ATRNL1: variants seen among roughly 807,000 people sequenced by gnomAD.
The protein encoded by ATRNL1 is attractin-like protein 1.
A neutral mutation model predicts 182.7 loss-of-function variants in ATRNL1; 95 were observed. That is an observed-to-expected ratio of 0.52 (90% CI 0.44 to 0.62). The LOEUF (loss-of-function observed/expected upper bound fraction) is 0.62, where lower values mean the gene tolerates loss of function less well. ATRNL1 is among the 20% of genes least tolerant of loss of function. The pLI is 0.00. For missense variants in ATRNL1, 1,471 were observed against 1,679.5 expected, an observed-to-expected ratio of 0.88 and a Z score of 2.17; for synonymous variants, 576 against 568.3, an observed-to-expected ratio of 1.01 and a Z score of -0.19.
chr10:115,174,547 A>C (rs1847421116), intron 8 of ATRNL1, among the ~76,000 whole-genome samples: 1 of 151,890 alleles, frequency 6.6e-6, no homozygotes, highest in South Asian at 2.1e-4. Flanking sequence ...ATAAACAGTA[A>C]GTATATCATT....
chr10:115,770,990 T>C (rs1948974691), intron 27 of ATRNL1, among the ~76,000 whole-genome samples: 1 of 152,148 alleles, frequency 6.6e-6, no homozygotes, highest in Non-Finnish European at 1.5e-5. Context: ...TTTGTTCATC[T>C]TAAAACAAAA....
chr10:115,121,583 C>A, intron 2 of ATRNL1, 116 bp from the exon 3 acceptor site: 1 of 396,962 alleles, frequency 2.5e-6, no homozygotes, highest in Non-Finnish European at 4.4e-6. Context: ...TAATAAAATA[C>A]CCTATCTAAA....
chr10:115,127,407 A>T (rs1470723819), intron 3 of ATRNL1, among the ~76,000 whole-genome samples, 186 bp from the exon 4 acceptor site: 1 of 152,198 alleles, frequency 6.6e-6, no homozygotes, highest in East Asian at 1.9e-4. Context: ...GTGTATTGGC[A>T]GCAGTAGTAG....
intron 13 of ATRNL1, among the ~76,000 whole-genome samples, chr10:115,271,842 T>C (rs1554913216): frequency 6.6e-6 from 1 of 152,188 alleles, no homozygotes; most frequent in African/African-American, 2.4e-5. Flanking sequence ...TTTGGACATT[T>C]GTCCCTGCCC....
rs1034147278 is a variant in ATRNL1 at position 115,500,983 on chromosome 10, C to T, written c.3655-18280C>T. 8.2e-5 allele frequency among the ~76,000 whole-genome samples: 10 copies of T among 122,494 alleles called. No individual in the cohort carries two copies. The South Asian group carries it at 2.6e-3, about 32-fold the overall frequency. The allele number at this position is 122,494 out of a possible 152,430, so 80.4% of individuals were successfully genotyped here. ...CGTTCTTGTCGCCCAGGCTGGAGTG[C>T]AATGGTGCGAGCTCCACTTACTGCA... On this transcript the variant is annotated intron_variant, in intron 24 of 28. Transcript: ENST00000355044.
intron 18 of ATRNL1, among the ~76,000 whole-genome samples, chr10:115,318,522 C>T (rs184473345): frequency 0.013 from 1,960 of 152,040 alleles, 37 homozygotes; most frequent in African/African-American, 0.044. Flanking sequence ...TGGTCCTGGG[C>T]TTTTTTTGGT....
intron 26 of ATRNL1, among the ~76,000 whole-genome samples, chr10:115,636,511 G>A (rs1858883072): frequency 2.0e-5 from 3 of 152,150 alleles, no homozygotes; most frequent in South Asian, 4.1e-4. Flanking sequence ...CAAGACCTAC[G>A]TGTTATGTGC....
At chr10:115,498,378 A>T (rs888277259) in intron 24 of ATRNL1, among the ~76,000 whole-genome samples, 24 of 152,078 alleles carry the variant, frequency 1.6e-4, no homozygotes, top group Non-Finnish European at 3.2e-4. Flanking sequence ...TTCATTTTTT[A>T]AAAAATTGAA....
At chr10:115,299,547 G>A (rs1353616174) in intron 15 of ATRNL1, among the ~76,000 whole-genome samples, 2 of 151,982 alleles carry the variant, frequency 1.3e-5, no homozygotes, top group Non-Finnish European at 2.9e-5. Context: ...GCTAGGTCTT[G>A]TTATGAAGTC....
At chr10:115,727,160 C>T (rs1004917429) in intron 26 of ATRNL1, 88 bp from the exon 27 acceptor site, 24 of 862,160 alleles carry the variant, frequency 2.8e-5, no homozygotes, top group South Asian at 2.6e-4. Context: ...CTTTTCAATG[C>T]CATTTGTTAA....
chr10:115,192,884 A>G (rs193302396), intron 8 of ATRNL1, among the ~76,000 whole-genome samples: 162 of 152,088 alleles, frequency 1.1e-3, no homozygotes, highest in Non-Finnish European at 1.5e-3. Context: ...CACTGTTGCC[A>G]TGTAGGAATG....
chr10:115,633,703 T>G (rs1555027127), intron 26 of ATRNL1, among the ~76,000 whole-genome samples: 1 of 152,080 alleles, frequency 6.6e-6, no homozygotes, highest in East Asian at 1.9e-4. Context: ...ATTTTAAGAG[T>G]TACAGATACT....
At chr10:115,628,452 G>A (rs1203192225) in intron 26 of ATRNL1, among the ~76,000 whole-genome samples, 1 of 151,942 alleles carries the variant, frequency 6.6e-6, no homozygotes, top group South Asian at 2.1e-4. Context: ...CATTGTAAGG[G>A]TTTTTTATAT....
intron 27 of ATRNL1, among the ~76,000 whole-genome samples, chr10:115,839,514 CCAATA>C (rs143568434): frequency 0.013 from 1,954 of 152,230 alleles, 39 homozygotes; most frequent in African/African-American, 0.044. Flanking sequence ...CTATCGATTT[CCAATA>C]CAACCCATAT....
chr10:115,356,534 G>C (rs1162272504), intron 19 of ATRNL1, among the ~76,000 whole-genome samples: 1 of 151,970 alleles, frequency 6.6e-6, no homozygotes, highest in African/African-American at 2.4e-5. Context: ...TGGCCCTGAT[G>C]TCAGATATTT....
chr10:115,854,287 T>C (rs1951126715), intron 28 of ATRNL1, among the ~76,000 whole-genome samples: 1 of 152,228 alleles, frequency 6.6e-6, no homozygotes, highest in Non-Finnish European at 1.5e-5. Flanking sequence ...CTGTAGTGTT[T>C]GACTGTCGAT....
chr10:115,597,370 G>A (rs1332531376), intron 26 of ATRNL1, among the ~76,000 whole-genome samples: 3 of 151,992 alleles, frequency 2.0e-5, no homozygotes, highest in African/African-American at 7.2e-5. Flanking sequence ...ATACAGTAAT[G>A]TCTATCTATG....
chr10:115,692,691 T>C (rs2133976023), intron 26 of ATRNL1, among the ~76,000 whole-genome samples: 1 of 152,068 alleles, frequency 6.6e-6, no homozygotes, highest in South Asian at 2.1e-4. Flanking sequence ...ATTCATTGAA[T>C]GTTTTTAAAA....
intron 28 of ATRNL1, among the ~76,000 whole-genome samples, chr10:115,893,866 G>A (rs192783905): frequency 6.6e-6 from 1 of 152,044 alleles, no homozygotes; most frequent in African/African-American, 2.4e-5. Context: ...AACCAAATAA[G>A]GACCTTTGTT....
Sources: allele counts gnomAD v4.1 joint callset (sites outside exome capture counted in the v4.1 genomes callset), GRCh38; gene constraint gnomAD v4.1.1; transcripts MANE v1.5; gene names NCBI Gene and HGNC (gene_info 2026-07-23, HGNC 2026-07-21).